The following PKP2 variants were observed in gnomAD, a reference collection of about 807,000 sequenced individuals.
PKP2 encodes plakophilin-2.
In PKP2, 73 loss-of-function variants were observed where a neutral mutation model predicts 83.4. The ratio of observed to expected loss-of-function variants is 0.88; its 90% CI spans 0.72 to 1.06. The LOEUF (loss-of-function observed/expected upper bound fraction) is 1.06. Ranked by LOEUF, PKP2 falls within the 50% of genes least tolerant of loss-of-function variation. The pLI is 0.00. For synonymous variants in PKP2, 409 were observed against 430.4 expected (o/e 0.95, Z 0.62); for missense variants, 966 against 1,065.4 (o/e 0.91, Z 1.30).
intron 3 of PKP2, among the ~76,000 whole-genome samples, chr12:32,872,897 G>A (rs1457757565): frequency 1.3e-5 from 2 of 151,532 alleles, no homozygotes; most frequent in South Asian, 4.2e-4. Context: ...AATGGAAATG[G>A]AAAAAAAAGG....
chr12:32,886,473 G>A (rs1342088260), intron 1 of PKP2, among the ~76,000 whole-genome samples: 1 of 152,144 alleles, frequency 6.6e-6, no homozygotes, highest in African/African-American at 2.4e-5. Context: ...AAGACCATAC[G>A]TATGTCCGCA....
At chr12:32,842,634 C>G (rs905527328) in intron 5 of PKP2, among the ~76,000 whole-genome samples, 1 of 152,164 alleles carries the variant, frequency 6.6e-6, no homozygotes, top group African/African-American at 2.4e-5. Context: ...TGACTCTTCC[C>G]TTTCTACCCT....
intron 6 of PKP2, among the ~76,000 whole-genome samples, chr12:32,834,507 C>G (rs144955736): frequency 0.013 from 1,994 of 152,202 alleles, 40 homozygotes; most frequent in African/African-American, 0.042. Flanking sequence ...TTGTTTTTGA[C>G]CTAAATGTTT....
intron 1 of PKP2, among the ~76,000 whole-genome samples, chr12:32,885,669 C>T (rs1325990582): frequency 6.9e-6 from 1 of 145,048 alleles, no homozygotes; most frequent in Admixed American, 6.9e-5. Context: ...GTCCCCCCCC[C>T]AAAAAAAAAA....
chr12:32,823,020 A>T (rs565176822), intron 7 of PKP2, among the ~76,000 whole-genome samples: 1 of 152,352 alleles, frequency 6.6e-6, no homozygotes, highest in East Asian at 1.9e-4. Flanking sequence ...AAACATTAGA[A>T]GCATTAGAGG....
In PKP2 at chr12:32,821,353, C is replaced by A. The variant is rs1222272381; in HGVS notation, c.2013+3G>T. The A allele has an allele frequency of 6.2e-7, 1 of 1,613,454 alleles. No homozygotes were observed. The highest frequency in any genetic ancestry group is 1.1e-5 in the South Asian group (1 of 91,036). ...AAAGTAGGAAATCAGGCCCAATACT[C>A]ACTGGTCCACTTCCGGCCGTGAGGT... On this transcript the variant is annotated splice_donor_region_variant and intron_variant, in intron 9 of 12. Transcript: ENST00000340811.
chr12:32,896,020 T>C (rs754487145), intron 1 of PKP2, among the ~76,000 whole-genome samples: 2 of 152,196 alleles, frequency 1.3e-5, no homozygotes, highest in Non-Finnish European at 2.9e-5. Context: ...TCCCAATTTA[T>C]AGGTTGTAGG....
chr12:32,865,311 G>A (rs146289682), intron 4 of PKP2, among the ~76,000 whole-genome samples: 28 of 150,516 alleles, frequency 1.9e-4, no homozygotes, highest in African/African-American at 6.1e-4. Flanking sequence ...GAAGGCGGAG[G>A]TTGCAGTGAG....
rs1956378850 is a variant in PKP2, at chr12:32,821,526, A to AT, written c.1842dup (p.Tyr615IlefsTer84). 6.2e-7 allele frequency: 1 copy of AT among 1,613,878 alleles called. No individual in the cohort carries two copies. Among genetic ancestry groups the AT allele is most frequent in the South Asian group, 1.1e-5 (1 of 91,074 alleles). ...TCCTCCGGCATCGGCACGTCCTGGT[A>AT]TTGCTGACCACACACAAAAGGAATC... On this transcript the variant is annotated frameshift_variant, in exon 9 of 13. Coordinates refer to ENST00000340811, the MANE Select transcript of PKP2 (RefSeq NM_001005242.3). LOFTEE classifies it high-confidence loss of function.
intron 4 of PKP2, among the ~76,000 whole-genome samples, chr12:32,857,793 T>C (rs1381545525): frequency 1.3e-5 from 2 of 151,994 alleles, no homozygotes; most frequent in Non-Finnish European, 2.9e-5. Flanking sequence ...TTCAATCCTA[T>C]GTATAAGCAA....
At chr12:32,818,730 G>A (rs1427363613) in intron 9 of PKP2, among the ~76,000 whole-genome samples, 1 of 151,934 alleles carries the variant, frequency 6.6e-6, no homozygotes, top group Admixed American at 6.6e-5. Flanking sequence ...TTTCAGCTTG[G>A]GTTCTTTGCC....
chr12:32,802,444 A>T lies in PKP2; in HGVS notation c.2126T>A (p.Leu709Gln), dbSNP rs777577592. ...AGAAAGATTCCGGGACAGATTCCTC[A>T]GCAGCGAGATGGCTGTCTTTTTCAC... is the stretch of plus-strand genomic sequence containing the variant. ...PSVKKTAISL[L>Q]RNLSRNLSLQ... The change falls in exon 10 of 13, where the codon CTG becomes CAG. Residue 709 changes from leucine (L) to glutamine (Q), a missense_variant. Coordinates refer to ENST00000340811, the MANE Select transcript of PKP2 (RefSeq NM_001005242.3). 1.2e-6 allele frequency: 2 copies of T among 1,614,040 alleles called. No individual in the cohort carries two copies. Among genetic ancestry groups the T allele is most frequent in the African/African-American group, 1.3e-5 (1 of 74,938 alleles).
intron 7 of PKP2, 58 bp from the exon 8 acceptor site, chr12:32,822,689 A>G (rs538061640): frequency 1.3e-6 from 2 of 1,565,662 alleles, no homozygotes; most frequent in South Asian, 1.1e-5. Context: ...TGCAGGTGTG[A>G]TATCACAGGA....
At chr12:32,801,345 C>T (rs560002666) in intron 10 of PKP2, among the ~76,000 whole-genome samples, 26 of 151,530 alleles carry the variant, frequency 1.7e-4, no homozygotes, top group Non-Finnish European at 2.9e-4. Flanking sequence ...AAGGATAATA[C>T]ACTGCCATTG....
At position 32,889,735 on chromosome 12, in the gene PKP2, C is replaced by T. The variant is rs71457660; in HGVS notation, c.223+6774G>A. Among the ~76,000 whole-genome samples, 1,479 of 152,136 alleles carry T rather than the reference C, an allele frequency of 9.7e-3. 14 individuals are homozygous for T. Among genetic ancestry groups the T allele is most frequent in the Non-Finnish European group, 0.012 (837 of 67,994 alleles). On this transcript the variant is annotated intron_variant, in intron 1 of 12. Transcript: ENST00000340811. ...ACTGTTCTCTGTCATTCTGGGTATACGGAGAGGAAGGAAAGTTGCTTCCCC... is the reference window on the plus strand; with the variant it reads ...ACTGTTCTCTGTCATTCTGGGTATATGGAGAGGAAGGAAAGTTGCTTCCCC...
intron 1 of PKP2, among the ~76,000 whole-genome samples, chr12:32,886,480 C>T (rs909685156): frequency 2.0e-5 from 3 of 152,116 alleles, no homozygotes; most frequent in Non-Finnish European, 2.9e-5. Flanking sequence ...TACGTATGTC[C>T]GCACTCCTGA....
chr12:32,839,437 G>A (rs2137825623), intron 6 of PKP2, among the ~76,000 whole-genome samples: 1 of 146,540 alleles, frequency 6.8e-6, no homozygotes, highest in South Asian at 2.1e-4. Flanking sequence ...CTGCTCAGTA[G>A]AGAAGGCTTC....
intron 5 of PKP2, among the ~76,000 whole-genome samples, chr12:32,842,741 C>A (rs557435263): frequency 1.3e-5 from 2 of 152,074 alleles, no homozygotes; most frequent in Admixed American, 6.5e-5. Context: ...GTGGCGCAAT[C>A]TCGGCTACCT....
In PKP2 at chr12:32,792,588, G is replaced by T; in HGVS notation, c.2445+56C>A. On this transcript the variant is annotated intron_variant, in intron 12 of 12. Transcript: ENST00000340811. ...ATTTCTTCCCAGGGTCAAGTCAAGTGGGCCATTATTACCTGGCTCTGTTAA... is the reference window on the plus strand; with the variant it reads ...ATTTCTTCCCAGGGTCAAGTCAAGTTGGCCATTATTACCTGGCTCTGTTAA... 3 of 1,549,224 alleles carry T rather than the reference G, an allele frequency of 1.9e-6. No individual in the cohort carries two copies. In the South Asian group the frequency reaches 3.3e-5, roughly 17 times the overall value.
Sources: gnomAD v4.1 joint callset for allele counts (sites outside exome capture counted in the v4.1 genomes callset) on GRCh38, gnomAD v4.1.1 for gene constraint, MANE v1.5 for transcripts, NCBI Gene and HGNC (gene_info 2026-07-23, HGNC 2026-07-21) for gene names.